The following TNFAIP2 variants were observed in gnomAD, a reference collection of about 807,000 sequenced individuals.
TNFAIP2 encodes the protein tumor necrosis factor alpha-induced protein 2.
In TNFAIP2, 47 loss-of-function variants were observed where a neutral mutation model predicts 63.5. The ratio of observed to expected loss-of-function variants is 0.74; its 90% confidence interval spans 0.59 to 0.94. TNFAIP2 has a LOEUF of 0.94. Among genes scored for constraint, TNFAIP2 ranks in the 40% least tolerant of loss-of-function variants. The probability of loss-of-function intolerance (pLI) is 0.00; values close to 1 mark genes in which losing one functional copy is unlikely to be tolerated. For missense variants in TNFAIP2, 787 were observed against 850.2 expected, an observed-to-expected ratio of 0.93 and a Z score of 0.92; for synonymous variants, 405 against 390.2, an observed-to-expected ratio of 1.04 and a Z score of -0.45.
In TNFAIP2 at chr14:103,133,517, C is replaced by T. The variant is rs769371750; in HGVS notation, c.1701C>T (p.His567=). 16 of 1,612,938 alleles carry T rather than the reference C, an allele frequency of 9.9e-6. No individual in the cohort carries two copies. Among genetic ancestry groups the T allele is most frequent in the Middle Eastern group, 1.6e-4 (1 of 6,082 alleles). The change falls in exon 10 of 12, where the codon CAC becomes CAT. Residue 567 remains histidine (H), a splice_region_variant and synonymous_variant. Transcript: ENST00000560869. ...CCATCCAGCACTTCTGCACCCAGCACGTAAGCCGCTGCCCACCTCTCCCAA... is the reference window on the plus strand; with the variant it reads ...CCATCCAGCACTTCTGCACCCAGCATGTAAGCCGCTGCCCACCTCTCCCAA... The part of the protein sequence containing the change: ...ADTIQHFCTQ[H]GSPATWLQPA...
Position 103,131,697 on chromosome 14 carries a change from C to T in TNFAIP2, c.1357C>T (p.Pro453Ser), listed in dbSNP as rs774492555. 9.3e-6 allele frequency: 15 copies of T among 1,609,904 alleles called. No individual in the cohort carries two copies. The African/African-American group carries it at 1.9e-4, about 20-fold the overall frequency. ...GGACACCCTGAGCCTCCTGCTGGGC[C>T]CCCTGGGTGAGCTCAAGAGCCACGG... ...PQDTLSLLLG[P>S]LGELKSHGFD... Residue 453 changes from proline (P) to serine (S), a missense_variant, in exon 8 of 12, where the codon CCC (proline) becomes TCC (serine). By Grantham distance (74) the Pro-to-Ser change is moderately conservative. Coordinates refer to ENST00000560869, the MANE Select transcript of TNFAIP2 (RefSeq NM_006291.4). The surrounding 1 kb of genome is among the most constrained non-coding windows in gnomAD (Gnocchi z 4.0).
In TNFAIP2 at chr14:103,127,399, C is replaced by T; in HGVS notation, c.630C>T (p.Ala210=). 6.5e-7 allele frequency: 1 copy of T among 1,547,508 alleles called. No homozygotes were observed. The highest frequency in any genetic ancestry group is 8.7e-7 in the Non-Finnish European group (1 of 1,153,880). Residue 210 remains alanine, a synonymous_variant, in exon 3 of 12, where the codon GCC becomes GCT. Transcript: ENST00000560869. This position sits in a 1 kb window ranked among gnomAD's most constrained non-coding sequence, Gnocchi z 5.1. ...TGGGCCAGCGGCCGGCCGCGGGCGC[C>T]GAGGTCCCCGAGAGCGTCTTTCTGC... ...ERMGQRPAAG[A]EVPESVFLHL...
chr14:103,132,928 A>T, intron 9 of TNFAIP2, 56 bp downstream of exon 9: 2 of 1,605,510 alleles, frequency 1.2e-6, no homozygotes, highest in Non-Finnish European at 1.7e-6. Context: ...CAGCCCGGAC[A>T]CGCACACTAG....
chr14:103,136,466 A>G lies in TNFAIP2; in HGVS notation c.*1106A>G, dbSNP rs1376108379. The G allele has an allele frequency of 6.6e-6, 1 of 151,576 alleles. No individual in the cohort carries two copies. The highest frequency in any genetic ancestry group is 1.9e-4 in the East Asian group (1 of 5,154). 9.4% of individuals were successfully genotyped at this position (151,576 alleles called of 1,614,324 possible). On this transcript the variant is annotated 3_prime_UTR_variant, in exon 12 of 12. Coordinates refer to ENST00000560869, the MANE Select transcript of TNFAIP2 (RefSeq NM_006291.4). ...CTTCAGAGCCAGCTGTGGGTAGTTG[A>G]ATCTTTTTCCCGTCACCTCATTGAG...
chr14:103,127,024 G>A lies in TNFAIP2; in HGVS notation c.255G>A (p.Ala85=), dbSNP rs1389700776. The A allele has an allele frequency of 2.5e-6, 3 of 1,180,250 alleles. No individual in the cohort carries two copies. The highest frequency in any genetic ancestry group is 3.1e-6 in the Non-Finnish European group (3 of 952,618). The allele number at this position is 1,180,250 out of a possible 1,614,324, so 73.1% of individuals were successfully genotyped here. A position where few individuals can be genotyped will look rare whatever the true frequency, so the allele number is the denominator to read the frequency against. Residue 85 remains alanine, a synonymous_variant, in exon 3 of 12, where the codon GCG becomes GCA. Transcript: ENST00000560869. The surrounding 1 kb of genome is among the most constrained non-coding windows in gnomAD (Gnocchi z 5.1). ...PPPTVEELKA[A]LERGQLEAAR... is the part of the protein sequence containing the mutation. Reference sequence around the variant, plus strand: ...GCGCAGTGGAGGAGCTGAAGGCGGCGCTGGAGCGCGGGCAGCTGGAGGCGG... The same window carrying A: ...GCGCAGTGGAGGAGCTGAAGGCGGCACTGGAGCGCGGGCAGCTGGAGGCGG...
chr14:103,137,344 A>G lies in TNFAIP2; in HGVS notation c.*1984A>G, dbSNP rs2088114099. Reference sequence around the variant, plus strand: ...GGAGTTAGCGTGTTTGATATTGTTAATATAATAATAATTATTTTTTAGAGT... The same window carrying G: ...GGAGTTAGCGTGTTTGATATTGTTAGTATAATAATAATTATTTTTTAGAGT... On this transcript the variant is annotated 3_prime_UTR_variant, in exon 12 of 12. Transcript: ENST00000560869. The G allele has an allele frequency of 6.6e-6, 1 of 152,236 alleles. No homozygotes were observed. The highest frequency in any genetic ancestry group is 2.1e-4 in the South Asian group (1 of 4,832). The allele number at this position is 152,236 out of a possible 1,614,324, so 9.4% of individuals were successfully genotyped here.
chr14:103,122,618 C>T (rs1346004046), upstream of TNFAIP2: 10 of 455,224 alleles, frequency 2.2e-5, no homozygotes, highest in Admixed American at 2.4e-4. Context: ...CCCTGAGAGA[C>T]GGTGTGGATG....
Position 103,131,537 on chromosome 14 carries a change from C to T in TNFAIP2, c.1299-102C>T, listed in dbSNP as rs1391143409. Reference sequence around the variant, plus strand: ...CTTGATCCCATAGAGAATGGGGAGCCATTGAGGGTTCTAGAGTGAAGAGAG... The same window carrying T: ...CTTGATCCCATAGAGAATGGGGAGCTATTGAGGGTTCTAGAGTGAAGAGAG... On this transcript the variant is annotated intron_variant, in intron 7 of 11. Coordinates refer to ENST00000560869, the MANE Select transcript of TNFAIP2 (RefSeq NM_006291.4). This position sits in a 1 kb window ranked among gnomAD's most constrained non-coding sequence, Gnocchi z 4.0. 1 of 1,419,806 alleles carries T rather than the reference C, an allele frequency of 7.0e-7. No individual in the cohort carries two copies. Among genetic ancestry groups the T allele is most frequent in the South Asian group, 1.4e-5 (1 of 70,250 alleles). 88.0% of individuals were successfully genotyped at this position (1,419,806 alleles called of 1,614,324 possible). A position where few individuals can be genotyped will look rare whatever the true frequency, so the allele number is the denominator to read the frequency against.
chr14:103,132,961 C>T, intron 9 of TNFAIP2, 89 bp downstream of exon 9: 1 of 1,564,846 alleles, frequency 6.4e-7, no homozygotes, highest in Non-Finnish European at 8.7e-7. Context: ...CACTCACGCA[C>T]ATGTGCTCAC....
chr14:103,122,321 C>T (rs933096454), upstream of TNFAIP2, among the ~76,000 whole-genome samples: 2 of 152,040 alleles, frequency 1.3e-5, no homozygotes. Context: ...ACTCCGCTGG[C>T]CCCCCTGGTC....
chr14:103,135,801 C>G lies in TNFAIP2; in HGVS notation c.*441C>G. 1 of 1,294,724 alleles carries G rather than the reference C, an allele frequency of 7.7e-7. No individual in the cohort carries two copies. The allele number at this position is 1,294,724 out of a possible 1,614,324, so 80.2% of individuals were successfully genotyped here. A position where few individuals can be genotyped will look rare whatever the true frequency, so the allele number is the denominator to read the frequency against. On this transcript the variant is annotated 3_prime_UTR_variant, in exon 12 of 12. Coordinates refer to ENST00000560869, the MANE Select transcript of TNFAIP2 (RefSeq NM_006291.4). The surrounding 1 kb of genome is among the most constrained non-coding windows in gnomAD (Gnocchi z 7.6). ...AGGGGCCGAGCCTCACCCATCTGCC[C>G]TCTGCAGCCCAGGGCCGCCGTGAGC...
intron 9 of TNFAIP2, 44 bp downstream of exon 9, chr14:103,132,916 G>A: frequency 6.2e-7 from 1 of 1,609,738 alleles, no homozygotes; most frequent in Non-Finnish European, 8.5e-7. Flanking sequence ...GGGAGTTGGG[G>A]GCAGCCCGGA....
At chr14:103,130,241 G>A (rs553389132) in intron 5 of TNFAIP2, 74 bp from the exon 6 acceptor site, 39 of 1,527,690 alleles carry the variant, frequency 2.6e-5, no homozygotes, top group Middle Eastern at 3.5e-4. Flanking sequence ...CTCTGTTCCC[G>A]CCTGTTTCCT....
Position 103,132,745 on chromosome 14 carries a change from C to G in TNFAIP2, c.1423-5C>G. ...TGACTAGACATCCTGCCTCTCCTGT[C>G]TCAGCCACTGTTCAAGAGGTTCACG... On this transcript the variant is annotated splice_polypyrimidine_tract_variant and splice_region_variant and intron_variant, in intron 8 of 11. Coordinates refer to ENST00000560869, the MANE Select transcript of TNFAIP2 (RefSeq NM_006291.4). 1 of 1,612,268 alleles carries G rather than the reference C, an allele frequency of 6.2e-7. No individual in the cohort carries two copies. Among genetic ancestry groups the G allele is most frequent in the South Asian group, 1.1e-5 (1 of 90,576 alleles).
At chr14:103,134,494 A>G (rs1291778293) in intron 11 of TNFAIP2, among the ~76,000 whole-genome samples, 1 of 89,814 alleles carries the variant, frequency 1.1e-5, no homozygotes, top group Non-Finnish European at 2.1e-5. Flanking sequence ...CCATCCATCT[A>G]TTCATCCACC....
intron 1 of TNFAIP2, among the ~76,000 whole-genome samples, chr14:103,126,094 G>A (rs578126879): frequency 2.6e-5 from 4 of 152,352 alleles, no homozygotes; most frequent in South Asian, 4.1e-4. Flanking sequence ...GGGCTGTGAA[G>A]TATTGGAAGG....
chr14:103,130,192 C>A, intron 5 of TNFAIP2, 68 bp downstream of exon 5: 1 of 1,574,414 alleles, frequency 6.4e-7, no homozygotes, highest in South Asian at 1.2e-5. Flanking sequence ...ACGCACATTC[C>A]GTCCTGTGTG....
In TNFAIP2 at chr14:103,135,074, G is replaced by T; in HGVS notation, c.1824-145G>T. Reference sequence around the variant, plus strand: ...CTGCTCTTGGGACCATCAGGTGGAGGGCATGGGTGAGGGAGAGTGAAGTGC... The same window carrying T: ...CTGCTCTTGGGACCATCAGGTGGAGTGCATGGGTGAGGGAGAGTGAAGTGC... On this transcript the variant is annotated intron_variant, in intron 11 of 11. Coordinates refer to ENST00000560869, the MANE Select transcript of TNFAIP2 (RefSeq NM_006291.4). This position sits in a 1 kb window ranked among gnomAD's most constrained non-coding sequence, Gnocchi z 7.6. The T allele has an allele frequency of 5.2e-6, 5 of 966,118 alleles. No individual in the cohort carries two copies. Among genetic ancestry groups the T allele is most frequent in the Non-Finnish European group, 7.9e-6 (5 of 630,710 alleles). 59.8% of individuals were successfully genotyped at this position (966,118 alleles called of 1,614,324 possible). A position where few individuals can be genotyped will look rare whatever the true frequency, so the allele number is the denominator to read the frequency against.
intron 11 of TNFAIP2, among the ~76,000 whole-genome samples, chr14:103,134,444 C>T (rs989802552): frequency 1.3e-5 from 2 of 151,736 alleles, no homozygotes; most frequent in Non-Finnish European, 2.9e-5. Context: ...CACTCATCAC[C>T]TGTCTACCCA....
Sources: allele counts gnomAD v4.1 joint callset (sites outside exome capture counted in the v4.1 genomes callset), GRCh38; gene constraint gnomAD v4.1.1; non-coding constraint Gnocchi (gnomAD v3.1); transcripts MANE v1.5; gene names NCBI Gene and HGNC (gene_info 2026-07-23, HGNC 2026-07-21).